The following ZFAT variants were observed in gnomAD, a reference collection of about 807,000 sequenced individuals.
ZFAT encodes zinc finger and AT-hook domain containing, also known as zinc finger protein ZFAT.
Under a neutral mutation model 117.7 loss-of-function variants are expected in ZFAT, and 64 were observed. That is an observed-to-expected ratio of 0.54 (90% CI 0.44 to 0.67). The LOEUF (loss-of-function observed/expected upper bound fraction) is 0.67, where lower values mean the gene tolerates loss of function less well. ZFAT is among the 30% of genes least tolerant of loss of function. The pLI is 0.00. For missense variants in ZFAT, 1,433 were observed against 1,584.5 expected (o/e 0.90, Z 1.62); for synonymous variants, 679 against 615.0 (o/e 1.10, Z -1.54).
In ZFAT at chr8:134,665,741, G is replaced by C. The variant is rs189567732; in HGVS notation, c.20-8004C>G. Among the ~76,000 whole-genome samples, 226 of 152,282 alleles carry C rather than the reference G, an allele frequency of 1.5e-3. 1 individual carries two copies. Among genetic ancestry groups the C allele is most frequent in the Admixed American group, 0.014 (214 of 15,298 alleles). Reference sequence around the variant, plus strand: ...CAGACCTTTTGCTGTGCATCACAGAGAGAGAGAGATGGACAGGAGAAGGGG... The same window carrying C: ...CAGACCTTTTGCTGTGCATCACAGACAGAGAGAGATGGACAGGAGAAGGGG... On this transcript the variant is annotated intron_variant, in intron 1 of 15. Transcript: ENST00000377838.
chr8:134,636,512 A>T (rs915979428), intron 3 of ZFAT, among the ~76,000 whole-genome samples: 4 of 152,212 alleles, frequency 2.6e-5, no homozygotes, highest in African/African-American at 9.6e-5. Flanking sequence ...CGGATGAGGA[A>T]ACTGAGGCAA....
chr8:134,608,537 T>C (rs1362909209), intron 5 of ZFAT, among the ~76,000 whole-genome samples, 192 bp downstream of exon 5: 1 of 152,196 alleles, frequency 6.6e-6, no homozygotes, highest in Admixed American at 6.5e-5. Flanking sequence ...TGCAACACAC[T>C]GGAGGCTCAG....
chr8:134,611,978 A>C (rs1828368461), intron 3 of ZFAT, among the ~76,000 whole-genome samples: 1 of 152,238 alleles, frequency 6.6e-6, no homozygotes, highest in Admixed American at 6.5e-5. Context: ...TTCGATATCC[A>C]AGTGAAGAAC....
At chr8:134,516,125 T>C (rs1308553956) in intron 13 of ZFAT, among the ~76,000 whole-genome samples, 1 of 152,242 alleles carries the variant, frequency 6.6e-6, no homozygotes, top group Non-Finnish European at 1.5e-5. Flanking sequence ...AGTTTATTTG[T>C]TGAAGACAGC....
chr8:134,558,561 A>C (rs1347339929), intron 11 of ZFAT, among the ~76,000 whole-genome samples: 2 of 152,248 alleles, frequency 1.3e-5, no homozygotes, highest in Non-Finnish European at 2.9e-5. Flanking sequence ...AAAAATTTAT[A>C]AAAAATACAA....
chr8:134,481,336 A>G (rs1044631857), intron 15 of ZFAT, among the ~76,000 whole-genome samples: 4 of 152,224 alleles, frequency 2.6e-5, no homozygotes, highest in Admixed American at 6.5e-5. Flanking sequence ...AGGGCTTCAC[A>G]TGTGCAAACA....
intron 11 of ZFAT, among the ~76,000 whole-genome samples, chr8:134,534,350 C>G (rs879581546): frequency 6.6e-6 from 1 of 152,240 alleles, no homozygotes; most frequent in Admixed American, 6.5e-5. Context: ...TACCTTTACT[C>G]CTCCACTGTC....
At chr8:134,528,274 G>A (rs1414961544) in intron 12 of ZFAT, among the ~76,000 whole-genome samples, 1 of 152,216 alleles carries the variant, frequency 6.6e-6, no homozygotes, top group Non-Finnish European at 1.5e-5. Context: ...CAATAGGAAC[G>A]ATTATGCCAA....
chr8:134,753,190 G>C, the ZFAT span, among the ~76,000 whole-genome samples: 2 of 151,874 alleles, frequency 1.3e-5, no homozygotes, highest in Non-Finnish European at 2.9e-5. Flanking sequence ...TACAGAGTGA[G>C]TCCCTGTCTC....
chr8:134,757,604 C>T, the ZFAT span, among the ~76,000 whole-genome samples: 3 of 152,156 alleles, frequency 2.0e-5, no homozygotes, highest in African/African-American at 7.2e-5. Flanking sequence ...CTCCTGTCTC[C>T]TGGTATACTT....
At chr8:134,668,013 G>C (rs1028606706) in intron 1 of ZFAT, among the ~76,000 whole-genome samples, 1 of 152,248 alleles carries the variant, frequency 6.6e-6, no homozygotes, top group Admixed American at 6.5e-5. Flanking sequence ...CTCATTGCTA[G>C]CACGGCAGTC....
chr8:134,610,224 G>A (rs761580406), intron 4 of ZFAT, among the ~76,000 whole-genome samples: 8 of 152,194 alleles, frequency 5.3e-5, no homozygotes, highest in South Asian at 2.1e-4. Flanking sequence ...GGAGCAGCAC[G>A]GCGGAGCTGT....
At chr8:134,687,777 T>C (rs973123085) in intron 1 of ZFAT, among the ~76,000 whole-genome samples, 2 of 152,080 alleles carry the variant, frequency 1.3e-5, no homozygotes, top group African/African-American at 2.4e-5. Context: ...AGCAAAATCC[T>C]CTCCCATTTT....
chr8:134,565,475 T>A, intron 10 of ZFAT, 54 bp from the exon 11 acceptor site: 1 of 1,528,248 alleles, frequency 6.5e-7, no homozygotes, highest in Non-Finnish European at 9.0e-7. Context: ...GCTCCCACTG[T>A]GAATGAAGTG....
the ZFAT span, among the ~76,000 whole-genome samples, chr8:134,760,344 G>A: frequency 3.2e-3 from 486 of 151,722 alleles, 2 homozygotes; most frequent in African/African-American, 0.011. Context: ...AATGCAAAAT[G>A]CTAAAGAACA....
At chr8:134,534,775 A>AGGGAGAAAGAGAGAGAGAG (rs1821706312) in intron 11 of ZFAT, among the ~76,000 whole-genome samples, 2 of 136,342 alleles carry the variant, frequency 1.5e-5, no homozygotes, top group Non-Finnish European at 3.1e-5. Context: ...GAGAGGGAGA[A>AGGGAGAAAGAGAGAGAGAG]AGAGAGAGAG....
the ZFAT span, among the ~76,000 whole-genome samples, chr8:134,777,510 T>C: frequency 6.6e-6 from 1 of 152,344 alleles, no homozygotes; most frequent in African/African-American, 2.4e-5. Flanking sequence ...ACTCTTTCTC[T>C]GTCTTAAAAT....
chr8:134,600,812 C>A, intron 6 of ZFAT, 144 bp from the exon 7 acceptor site: 1 of 692,668 alleles, frequency 1.4e-6, no homozygotes, highest in Non-Finnish European at 2.3e-6. Flanking sequence ...CACCACATTT[C>A]TGTCTGAAAA....
intron 1 of ZFAT, among the ~76,000 whole-genome samples, chr8:134,677,689 G>A (rs1436765288): frequency 3.3e-5 from 5 of 152,066 alleles, no homozygotes; most frequent in Non-Finnish European, 5.9e-5. Context: ...ACATCAATAC[G>A]AAAATTCTCA....
Sources: gnomAD v4.1 joint callset for allele counts (sites outside exome capture counted in the v4.1 genomes callset) on GRCh38, gnomAD v4.1.1 for gene constraint, MANE v1.5 for transcripts, NCBI Gene and HGNC (gene_info 2026-07-23, HGNC 2026-07-21) for gene names.